SLC44A5: variants seen among roughly 807,000 people sequenced by gnomAD.
SLC44A5 encodes choline transporter-like protein 5.
A neutral mutation model predicts 101.8 loss-of-function variants in SLC44A5; 57 were observed. That is an observed-to-expected ratio of 0.56 (90% CI 0.45 to 0.70). The LOEUF (loss-of-function observed/expected upper bound fraction) is 0.70, where lower values mean the gene tolerates loss of function less well. SLC44A5 is among the 30% of genes least tolerant of loss of function. The pLI, the probability that SLC44A5 is intolerant of heterozygous loss-of-function variation, is 0.00. For synonymous variants in SLC44A5, 281 were observed against 290.9 expected (o/e 0.97, Z 0.35); for missense variants, 737 against 853.1 (o/e 0.86, Z 1.70).
chr1:75,616,619 C>A, the SLC44A5 span, among the ~76,000 whole-genome samples: 1 of 152,200 alleles, frequency 6.6e-6, no homozygotes, highest in African/African-American at 2.4e-5. Flanking sequence ...GGATAGCGAG[C>A]CCGAATTCCA....
the SLC44A5 span, among the ~76,000 whole-genome samples, chr1:75,659,300 T>C: frequency 8.0e-6 from 1 of 124,676 alleles, no homozygotes; most frequent in Non-Finnish European, 1.7e-5. Context: ...AAAGATTTTT[T>C]TAAAAAAGAG....
intron 3 of SLC44A5, among the ~76,000 whole-genome samples, chr1:75,352,246 G>T (rs1450150656): frequency 1.3e-5 from 2 of 151,880 alleles, no homozygotes; most frequent in Admixed American, 1.3e-4. Flanking sequence ...GGATGTGTAG[G>T]TTTGTTACAT....
At chr1:75,298,179 C>A (rs1175994814) in intron 5 of SLC44A5, among the ~76,000 whole-genome samples, 1 of 152,078 alleles carries the variant, frequency 6.6e-6, no homozygotes, top group Admixed American at 6.6e-5. Flanking sequence ...CTTCTAGTAA[C>A]CTCTGCCATA....
intron 4 of SLC44A5, among the ~76,000 whole-genome samples, chr1:75,328,048 T>C (rs1406372757): frequency 6.6e-6 from 1 of 152,214 alleles, no homozygotes; most frequent in Non-Finnish European, 1.5e-5. Flanking sequence ...TGGTAGGTGG[T>C]GCCACGCCCC....
intron 6 of SLC44A5, among the ~76,000 whole-genome samples, chr1:75,262,498 G>GA (rs1650609343): frequency 6.6e-6 from 1 of 152,108 alleles, no homozygotes; most frequent in Admixed American, 6.5e-5. Context: ...TAAACAAATG[G>GA]AAAAATATTT....
intron 7 of SLC44A5, among the ~76,000 whole-genome samples, chr1:75,244,204 A>T (rs1557570389): frequency 6.6e-6 from 1 of 152,068 alleles, no homozygotes; most frequent in Non-Finnish European, 1.5e-5. Context: ...AGAAGACACT[A>T]ACCTTACTCA....
the SLC44A5 span, among the ~76,000 whole-genome samples, chr1:75,714,019 C>T: frequency 6.6e-6 from 1 of 152,222 alleles, no homozygotes; most frequent in East Asian, 1.9e-4. Context: ...CCAGGCTGGT[C>T]TCAAACTCCT....
At chr1:75,233,582 T>G (rs1361658003) in intron 12 of SLC44A5, among the ~76,000 whole-genome samples, 1 of 152,186 alleles carries the variant, frequency 6.6e-6, no homozygotes, top group East Asian at 1.9e-4. Flanking sequence ...TTAAACGTAC[T>G]AAGTTGAAAG....
the SLC44A5 span, among the ~76,000 whole-genome samples, chr1:75,627,485 C>T: frequency 6.6e-6 from 1 of 151,964 alleles, no homozygotes; most frequent in Non-Finnish European, 1.5e-5. Flanking sequence ...CAAGACCCAG[C>T]CTAGGCAACA....
Position 75,609,086 on chromosome 1 carries a change from G to C in SLC44A5, c.-70+1954C>G, listed in dbSNP as rs1309595959. On this transcript the variant is annotated intron_variant, in intron 1 of 23. Transcript: ENST00000370859. ...AGCGATTGATTAACACTTATTGAAT[G>C]AATAGAGAACTACATGAACGAATAA... Among the ~76,000 whole-genome samples, 9 of 151,826 alleles carry C rather than the reference G, an allele frequency of 5.9e-5. No homozygotes were observed. In the East Asian group the frequency reaches 1.8e-3, roughly 30 times the overall value.
At chr1:75,437,981 A>G (rs1664983929) in intron 2 of SLC44A5, among the ~76,000 whole-genome samples, 1 of 152,054 alleles carries the variant, frequency 6.6e-6, no homozygotes, top group Non-Finnish European at 1.5e-5. Context: ...TGGATTCCTG[A>G]ACTGTGTGAT....
intron 9 of SLC44A5, 149 bp downstream of exon 9, chr1:75,241,852 T>C (rs1194146039): frequency 8.7e-6 from 5 of 571,788 alleles, no homozygotes; most frequent in Non-Finnish European, 1.5e-5. Context: ...TGAGCTCTAC[T>C]TTTGACTTTC....
rs554115912 is a variant in SLC44A5, at chr1:75,361,386, C to G, written c.53-21756G>C. On this transcript the variant is annotated intron_variant, in intron 3 of 23. Coordinates refer to ENST00000370859, the MANE Select transcript of SLC44A5 (RefSeq NM_001130058.2). ...AAGAGTGAGCATTCTTATTTTATCC[C>G]TGATCTTAGAGGAAAAGCTTTCAAG... Among the ~76,000 whole-genome samples, 4 of 152,140 alleles carry G rather than the reference C, an allele frequency of 2.6e-5. No individual in the cohort carries two copies. The South Asian group carries it at 8.3e-4, about 32-fold the overall frequency.
chr1:75,352,254 C>T (rs1658735749), intron 3 of SLC44A5, among the ~76,000 whole-genome samples: 1 of 151,950 alleles, frequency 6.6e-6, no homozygotes, highest in Non-Finnish European at 1.5e-5. Context: ...AGGTTTGTTA[C>T]ATAGGTCAAA....
intron 4 of SLC44A5, among the ~76,000 whole-genome samples, chr1:75,318,463 G>T (rs1655885547): frequency 6.6e-6 from 1 of 152,094 alleles, no homozygotes; most frequent in South Asian, 2.1e-4. Context: ...AGATAAAAGT[G>T]AAATATTAAG....
chr1:75,284,428 C>CA (rs1652875943), intron 5 of SLC44A5, among the ~76,000 whole-genome samples: 1 of 152,010 alleles, frequency 6.6e-6, no homozygotes, highest in Non-Finnish European at 1.5e-5. Flanking sequence ...TTAGGGTTTT[C>CA]TAGGTAGACA....
intron 2 of SLC44A5, among the ~76,000 whole-genome samples, chr1:75,436,329 A>G (rs535489733): frequency 6.6e-6 from 1 of 152,118 alleles, no homozygotes; most frequent in Non-Finnish European, 1.5e-5. Context: ...ACTTCTATAC[A>G]TGTCACAATT....
At chr1:75,318,416 A>T (rs1655877147) in intron 4 of SLC44A5, among the ~76,000 whole-genome samples, 1 of 147,746 alleles carries the variant, frequency 6.8e-6, no homozygotes, top group South Asian at 2.1e-4. Context: ...AGAAAGAAAG[A>T]AAGAAAGAAA....
chr1:75,403,744 A>C (rs573979663), intron 2 of SLC44A5, among the ~76,000 whole-genome samples: 3 of 152,150 alleles, frequency 2.0e-5, no homozygotes, highest in Non-Finnish European at 4.4e-5. Context: ...ATGAGGAAAA[A>C]CCAGCACAAA....
Sources: gnomAD v4.1 joint callset for allele counts (sites outside exome capture counted in the v4.1 genomes callset) on GRCh38, gnomAD v4.1.1 for gene constraint, MANE v1.5 for transcripts, NCBI Gene and HGNC (gene_info 2026-07-23, HGNC 2026-07-21) for gene names.